Variants in CLVS1 observed in about 807,000 individuals in gnomAD.
CLVS1 encodes the protein clavesin-1.
Under a neutral mutation model 33.1 loss-of-function variants are expected in CLVS1, and 10 were observed. The ratio of observed to expected loss-of-function variants is 0.30; its 90% confidence interval spans 0.19 to 0.51. The LOEUF is 0.51. Among genes scored for constraint, CLVS1 ranks in the 20% least tolerant of loss-of-function variants. The pLI is 0.97. For synonymous variants in CLVS1, 163 were observed against 166.1 expected, an observed-to-expected ratio of 0.98 and a Z score of 0.14; for missense variants, 343 against 433.4, an observed-to-expected ratio of 0.79 and a Z score of 1.85.
intron 2 of CLVS1, among the ~76,000 whole-genome samples, chr8:61,274,485 G>T (rs887571708): frequency 6.6e-6 from 1 of 152,102 alleles, no homozygotes; most frequent in East Asian, 1.9e-4. Context: ...TTTTTATCTT[G>T]TTGCTTTCTT....
intron 1 of CLVS1, among the ~76,000 whole-genome samples, chr8:61,069,581 G>C (rs1298041122): frequency 1.3e-5 from 2 of 152,192 alleles, no homozygotes; most frequent in East Asian, 3.9e-4. Flanking sequence ...GTCTTCCTCT[G>C]CATCTCATGC....
intron 3 of CLVS1, among the ~76,000 whole-genome samples, chr8:61,451,390 G>A (rs1816945395): frequency 6.6e-6 from 1 of 151,966 alleles, no homozygotes; most frequent in Admixed American, 6.6e-5. Context: ...AACTTAAACT[G>A]GGGGGCAGAC....
At chr8:61,490,819 G>A (rs551410776) in intron 5 of CLVS1, among the ~76,000 whole-genome samples, 127 of 151,798 alleles carry the variant, frequency 8.4e-4, no homozygotes, top group Non-Finnish European at 1.6e-3. Flanking sequence ...TTAGCTGAGC[G>A]TGGTGGCGGG....
chr8:61,219,323 G>T (rs1808160498), intron 2 of CLVS1, among the ~76,000 whole-genome samples: 1 of 151,966 alleles, frequency 6.6e-6, no homozygotes, highest in Non-Finnish European at 1.5e-5. Context: ...AACAGGCCTT[G>T]GTATGTGTTG....
rs1414726823 is a variant in CLVS1 at position 61,408,295 on chromosome 8, G to A, written c.630+31516G>A. Among the ~76,000 whole-genome samples, 9 of 152,212 alleles carry A rather than the reference G, an allele frequency of 5.9e-5. No individual in the cohort carries two copies. In the East Asian group the frequency reaches 1.7e-3, roughly 29 times the overall value. ...ATTTGAGCTTAGCCCTAAATGACAT[G>A]AGGAAGGCAGACATGCAAAGAACCA... On this transcript the variant is annotated intron_variant, in intron 3 of 5. Transcript: ENST00000325897.
chr8:61,213,952 C>G (rs1808029567), intron 2 of CLVS1, among the ~76,000 whole-genome samples: 1 of 152,130 alleles, frequency 6.6e-6, no homozygotes, highest in South Asian at 2.1e-4. Context: ...AGAATATGTG[C>G]CTGGAGATAT....
intron 3 of CLVS1, among the ~76,000 whole-genome samples, chr8:61,434,616 A>G (rs974038168): frequency 2.0e-5 from 3 of 152,226 alleles, no homozygotes; most frequent in Non-Finnish European, 4.4e-5. Context: ...CTTCCAGGCT[A>G]TAAATAAATT....
At chr8:61,208,468 T>A (rs1807903051) in intron 2 of CLVS1, among the ~76,000 whole-genome samples, 1 of 152,226 alleles carries the variant, frequency 6.6e-6, no homozygotes, top group African/African-American at 2.4e-5. Context: ...TGAGGTAGAT[T>A]TCACATTTTA....
intron 2 of CLVS1, among the ~76,000 whole-genome samples, chr8:61,243,985 C>T (rs1260287158): frequency 6.6e-6 from 1 of 152,082 alleles, no homozygotes; most frequent in Non-Finnish European, 1.5e-5. Flanking sequence ...TTCGAATTCA[C>T]CAAAATTTAT....
At chr8:61,362,351 C>T (rs936902082) in intron 2 of CLVS1, among the ~76,000 whole-genome samples, 1 of 152,174 alleles carries the variant, frequency 6.6e-6, no homozygotes, top group African/African-American at 2.4e-5. Flanking sequence ...TCTCCCCTTA[C>T]AGTCATTTCT....
intron 2 of CLVS1, among the ~76,000 whole-genome samples, chr8:61,231,513 C>G (rs1421571707): frequency 6.6e-6 from 1 of 152,198 alleles, no homozygotes; most frequent in South Asian, 2.1e-4. Context: ...ACCCACTGCT[C>G]TAAAGCAAAT....
intron 1 of CLVS1, among the ~76,000 whole-genome samples, chr8:61,298,432 T>C (rs1005265077): frequency 6.6e-6 from 1 of 152,178 alleles, no homozygotes; most frequent in African/African-American, 2.4e-5. Flanking sequence ...TGAAAATGAA[T>C]ACCAGTTACT....
the CLVS1 span, among the ~76,000 whole-genome samples, chr8:60,995,863 G>A: frequency 2.0e-5 from 3 of 152,182 alleles, no homozygotes; most frequent in Non-Finnish European, 4.4e-5. Flanking sequence ...TCCTTTGCAG[G>A]GACATGGATG....
chr8:61,446,419 G>T (rs139575531), intron 3 of CLVS1, among the ~76,000 whole-genome samples: 1 of 152,070 alleles, frequency 6.6e-6, no homozygotes, highest in Non-Finnish European at 1.5e-5. Context: ...TAAAGAAAAG[G>T]CATGTATTTC....
chr8:61,354,410 G>C (rs1224625769), intron 2 of CLVS1, among the ~76,000 whole-genome samples: 1 of 151,790 alleles, frequency 6.6e-6, no homozygotes, highest in Admixed American at 6.6e-5. Context: ...CAATTTGGTA[G>C]TTTCTTTAAA....
chr8:60,990,383 A>T, the CLVS1 span, among the ~76,000 whole-genome samples: 1 of 152,348 alleles, frequency 6.6e-6, no homozygotes, highest in East Asian at 1.9e-4. Flanking sequence ...GCCTTTATCC[A>T]TTAGAGGTGC....
intron 1 of CLVS1, among the ~76,000 whole-genome samples, chr8:61,289,800 TAA>T (rs1809919207): frequency 6.6e-6 from 1 of 152,236 alleles, no homozygotes; most frequent in Non-Finnish European, 1.5e-5. Flanking sequence ...AATTCATACT[TAA>T]GTCTCTTTGA....
At chr8:61,103,023 A>T (rs144953496) in intron 1 of CLVS1, among the ~76,000 whole-genome samples, 4 of 152,054 alleles carry the variant, frequency 2.6e-5, no homozygotes, top group Non-Finnish European at 5.9e-5. Context: ...GAAGGCTTTC[A>T]TTTCATTTAT....
In CLVS1 at chr8:61,339,362, C is replaced by T. The variant is rs145130621; in HGVS notation, c.456-37243C>T. Among the ~76,000 whole-genome samples, 1,037 of 152,222 alleles carry T rather than the reference C, an allele frequency of 6.8e-3. 16 individuals carry two copies. Among genetic ancestry groups the T allele is most frequent in the African/African-American group, 0.023 (935 of 41,538 alleles). Reference sequence around the variant, plus strand: ...GAGGTCTAGGAGTCAGGTTTTAATACGCTTGGAATTTTGCTTAAGGTGGGA... The same window carrying T: ...GAGGTCTAGGAGTCAGGTTTTAATATGCTTGGAATTTTGCTTAAGGTGGGA... On this transcript the variant is annotated intron_variant, in intron 2 of 5. Coordinates refer to ENST00000325897, the MANE Select transcript of CLVS1 (RefSeq NM_173519.3).
Sources: allele counts gnomAD v4.1 joint callset (sites outside exome capture counted in the v4.1 genomes callset), GRCh38; gene constraint gnomAD v4.1.1; transcripts MANE v1.5; gene names NCBI Gene and HGNC (gene_info 2026-07-23, HGNC 2026-07-21).